DNAH5: variants seen among roughly 807,000 people sequenced by gnomAD.
DNAH5 encodes the protein axonemal beta dynein heavy chain 5.
DNAH5 carries 372 observed loss-of-function variants against 518.2 expected under a neutral mutation model. That is an observed-to-expected ratio of 0.72 (90% CI 0.66 to 0.78). DNAH5 has a LOEUF of 0.78. Among genes scored for constraint, DNAH5 ranks in the 30% least tolerant of loss-of-function variants. The probability of loss-of-function intolerance (pLI) is 0.00; values close to 1 mark genes in which losing one functional copy is unlikely to be tolerated. For synonymous variants in DNAH5, 2,039 were observed against 2,025.9 expected (o/e 1.01, Z -0.17); for missense variants, 5,523 against 5,687.0 (o/e 0.97, Z 0.93).
In DNAH5 at chr5:13,922,150, A is replaced by G; in HGVS notation, c.617T>C (p.Phe206Ser). 6.2e-7 allele frequency: 1 copy of G among 1,614,108 alleles called. No individual in the cohort carries two copies. The highest frequency in any genetic ancestry group is 8.5e-7 in the Non-Finnish European group (1 of 1,180,004). Residue 206 changes from phenylalanine (F) to serine (S), a missense_variant, in exon 5 of 79, where the codon TTT (phenylalanine) becomes TCT (serine). Physicochemically the swap from Phe to Ser is radical, Grantham distance 155. Transcript: ENST00000265104. ...RQEFLSSLEG[F>S]VNVLSGAQES... ...CTGTGCACCCGACAGGACGTTCACA[A>G]AGCCTTCCAGGGAGCTCAAGAACTC...
intron 47 of DNAH5, among the ~76,000 whole-genome samples, chr5:13,804,766 C>T (rs758144723): frequency 2.0e-5 from 3 of 152,182 alleles, no homozygotes; most frequent in Non-Finnish European, 4.4e-5. Flanking sequence ...GAATACTTCA[C>T]TCTTCTTCTA....
chr5:13,701,880 C>A (rs556627969), intron 76 of DNAH5, among the ~76,000 whole-genome samples: 21 of 152,288 alleles, frequency 1.4e-4, no homozygotes, highest in African/African-American at 5.1e-4. Flanking sequence ...ATGCTCATGG[C>A]CTTATCAAGA....
At chr5:13,971,802 T>C (rs973457294) in intron 1 of DNAH5, among the ~76,000 whole-genome samples, 7 of 152,068 alleles carry the variant, frequency 4.6e-5, no homozygotes, top group Non-Finnish European at 8.8e-5. Context: ...TGTGGTAGTA[T>C]AGGGAGGATA....
chr5:13,735,449 A>G, intron 67 of DNAH5, 128 bp from the exon 68 acceptor site: 1 of 856,622 alleles, frequency 1.2e-6, no homozygotes, highest in Non-Finnish European at 1.8e-6. Context: ...ATCAAGAGAA[A>G]GCCTCCTAAA....
intron 55 of DNAH5, 146 bp downstream of exon 55, chr5:13,776,293 G>T: frequency 9.3e-7 from 1 of 1,070,136 alleles, no homozygotes; most frequent in Non-Finnish European, 1.4e-6. Flanking sequence ...CACAAATGCT[G>T]TCCATGAGAT....
At chr5:13,747,244 T>C (rs1326097734) in intron 65 of DNAH5, among the ~76,000 whole-genome samples, 3 of 152,248 alleles carry the variant, frequency 2.0e-5, no homozygotes, top group Non-Finnish European at 4.4e-5. Context: ...CTGCATAGTA[T>C]TCCATGGTGT....
At chr5:13,783,905 G>T (rs575523839) in intron 52 of DNAH5, among the ~76,000 whole-genome samples, 1 of 152,302 alleles carries the variant, frequency 6.6e-6, no homozygotes, top group Non-Finnish European at 1.5e-5. Flanking sequence ...AAGTGGAGAG[G>T]AATGCAACAT....
At chr5:13,722,648 A>G (rs1476532548) in intron 70 of DNAH5, among the ~76,000 whole-genome samples, 3 of 152,214 alleles carry the variant, frequency 2.0e-5, no homozygotes, top group Non-Finnish European at 4.4e-5. Flanking sequence ...AAAATTGGTC[A>G]TCAGGGAACG....
At chr5:13,952,947 T>C (rs1304559596) in intron 1 of DNAH5, among the ~76,000 whole-genome samples, 1 of 152,194 alleles carries the variant, frequency 6.6e-6, no homozygotes, top group Non-Finnish European at 1.5e-5. Flanking sequence ...ATTTGACCTT[T>C]CTTAAACACT....
intron 31 of DNAH5, among the ~76,000 whole-genome samples, chr5:13,848,717 A>G (rs1208064481): frequency 6.6e-6 from 1 of 152,160 alleles, no homozygotes; most frequent in East Asian, 1.9e-4. Context: ...GTGTATGCGC[A>G]GTTCACAATA....
intron 58 of DNAH5, among the ~76,000 whole-genome samples, chr5:13,766,767 T>A (rs1303337679): frequency 6.6e-6 from 1 of 152,354 alleles, no homozygotes; most frequent in Non-Finnish European, 1.5e-5. Flanking sequence ...ATTTCTAGTA[T>A]GTATACACTT....
At chr5:13,959,343 C>G (rs1174545018) in intron 1 of DNAH5, among the ~76,000 whole-genome samples, 2 of 152,226 alleles carry the variant, frequency 1.3e-5, no homozygotes, top group African/African-American at 4.8e-5. Context: ...ACTGAAGACT[C>G]AAGAAGACTG....
upstream of DNAH5, among the ~76,000 whole-genome samples, chr5:13,944,795 T>G (rs1349046415): frequency 6.6e-6 from 1 of 152,224 alleles, no homozygotes; most frequent in Non-Finnish European, 1.5e-5. Flanking sequence ...CTCCTTCTGT[T>G]GTTCAATTAA....
intron 30 of DNAH5, among the ~76,000 whole-genome samples, chr5:13,858,452 A>T (rs953212573): frequency 6.6e-5 from 10 of 152,152 alleles, no homozygotes; most frequent in Non-Finnish European, 1.5e-4. Flanking sequence ...TAGCATTAGG[A>T]GAAATACCTA....
intron 1 of DNAH5, among the ~76,000 whole-genome samples, chr5:13,999,165 A>T (rs1444555712): frequency 6.6e-6 from 1 of 152,198 alleles, no homozygotes; most frequent in Admixed American, 6.5e-5. Context: ...AGCCACGATG[A>T]CCGGCCTGCC....
intron 37 of DNAH5, 29 bp downstream of exon 37, chr5:13,829,997 A>T: frequency 6.2e-7 from 1 of 1,602,968 alleles, no homozygotes; most frequent in Non-Finnish European, 8.5e-7. Flanking sequence ...GAAGGCTGAA[A>T]TTCAGTAGCT....
intron 7 of DNAH5, 55 bp downstream of exon 7, chr5:13,919,121 A>G: frequency 1.2e-6 from 2 of 1,605,908 alleles, no homozygotes; most frequent in Non-Finnish European, 1.7e-6. Context: ...CCTTGAAAAT[A>G]TGCATAGAGA....
rs574645174 is a variant in DNAH5, at chr5:13,884,852, A to T, written c.2983+137T>A. 3.7e-6 allele frequency: 5 copies of T among 1,361,910 alleles called. No homozygotes were observed. In the African/African-American group the frequency reaches 4.4e-5, roughly 12 times the overall value. The allele number at this position is 1,361,910 out of a possible 1,614,324, so 84.4% of individuals were successfully genotyped here. A position where few individuals can be genotyped will look rare whatever the true frequency, so the allele number is the denominator to read the frequency against. On this transcript the variant is annotated intron_variant, in intron 19 of 78. Coordinates refer to ENST00000265104, the MANE Select transcript of DNAH5 (RefSeq NM_001369.3). ...CTCCATCTCAAAAAATAAAAATTTA[A>T]AAAAAGATGAATATTTTTAATTATT...
At chr5:13,763,690 T>C (rs1561199125) in intron 59 of DNAH5, among the ~76,000 whole-genome samples, 1 of 152,194 alleles carries the variant, frequency 6.6e-6, no homozygotes, top group South Asian at 2.1e-4. Context: ...GAACACATAA[T>C]GTATAGTAGA....
Sources: allele counts gnomAD v4.1 joint callset (sites outside exome capture counted in the v4.1 genomes callset), GRCh38; gene constraint gnomAD v4.1.1; transcripts MANE v1.5; gene names NCBI Gene and HGNC (gene_info 2026-07-23, HGNC 2026-07-21).